BCAR3: variants seen among roughly 807,000 people sequenced by gnomAD.
The protein encoded by BCAR3 is BCAR3 adaptor protein, NSP family member.
Under a neutral mutation model 80.1 loss-of-function variants are expected in BCAR3, and 37 were observed. The ratio of observed to expected loss-of-function variants is 0.46; its 90% CI spans 0.36 to 0.61. The LOEUF (loss-of-function observed/expected upper bound fraction) is 0.61. Ranked by LOEUF, BCAR3 falls within the 20% of genes least tolerant of loss-of-function variation. The pLI, the probability that BCAR3 is intolerant of heterozygous loss-of-function variation, is 0.00. For missense variants in BCAR3, 978 were observed against 1,068.2 expected (o/e 0.92, Z 1.18); for synonymous variants, 389 against 418.9 (o/e 0.93, Z 0.87).
At chr1:93,638,299 G>C (rs1675861389) in intron 3 of BCAR3, among the ~76,000 whole-genome samples, 1 of 152,134 alleles carries the variant, frequency 6.6e-6, no homozygotes, top group South Asian at 2.1e-4. Flanking sequence ...GGGGTGGGGG[G>C]TCTCAGGGGA....
intron 2 of BCAR3, among the ~76,000 whole-genome samples, chr1:93,756,238 T>A (rs551016236): frequency 6.6e-6 from 1 of 152,356 alleles, no homozygotes; most frequent in South Asian, 2.1e-4. Context: ...GTGCCCTTGG[T>A]GGCTTGGGTT....
intron 5 of BCAR3, among the ~76,000 whole-genome samples, chr1:93,587,804 T>G (rs1288875724): frequency 1.3e-5 from 2 of 152,108 alleles, no homozygotes; most frequent in Non-Finnish European, 2.9e-5. Context: ...GGGGCTGGAC[T>G]GGATCTATGT....
chr1:93,704,015 G>A (rs935415016), intron 3 of BCAR3, among the ~76,000 whole-genome samples: 7 of 152,236 alleles, frequency 4.6e-5, no homozygotes, highest in African/African-American at 1.7e-4. Flanking sequence ...CCACATTTCA[G>A]GTGCTGAATA....
At position 93,827,450 on chromosome 1, in the gene BCAR3, G is replaced by A. The variant is rs369468645; in HGVS notation, c.-63+18117C>T. On this transcript the variant is annotated intron_variant, in intron 2 of 13. Coordinates refer to the BCAR3 transcript ENST00000370244. The stretch of plus-strand genomic sequence containing the variant: ...ATAGCAGGGGAGTCTAGCAGACTGT[G>A]ACCCAGCTCCCTCCGAGAGGGCTGT... 2.6e-4 allele frequency among the ~76,000 whole-genome samples: 40 copies of A among 152,250 alleles called. 3 individuals are homozygous for A. Among genetic ancestry groups the A allele is most frequent in the Admixed American group, 1.2e-3 (19 of 15,310 alleles).
chr1:93,574,947 A>T (rs981534416), intron 8 of BCAR3, among the ~76,000 whole-genome samples: 2 of 152,180 alleles, frequency 1.3e-5, no homozygotes, highest in African/African-American at 2.4e-5. Flanking sequence ...TTTCTATGGG[A>T]TGTATCCACG....
intron 2 of BCAR3, among the ~76,000 whole-genome samples, chr1:93,712,089 C>T (rs1650045097): frequency 6.6e-6 from 1 of 152,194 alleles, no homozygotes; most frequent in Non-Finnish European, 1.5e-5. Flanking sequence ...GTTTCTTCTC[C>T]TACAAACTGG....
intron 2 of BCAR3, among the ~76,000 whole-genome samples, chr1:93,779,851 C>A (rs749257926): frequency 1.3e-5 from 2 of 152,172 alleles, no homozygotes; most frequent in Admixed American, 6.5e-5. Flanking sequence ...TTCCCTCCTC[C>A]CCCAATCCCA....
At chr1:93,748,075 G>T (rs1651418878) in intron 2 of BCAR3, among the ~76,000 whole-genome samples, 1 of 152,124 alleles carries the variant, frequency 6.6e-6, no homozygotes, top group Admixed American at 6.5e-5. Flanking sequence ...CAGAGTCCTA[G>T]GTGCCTCCTT....
intron 1 of BCAR3, among the ~76,000 whole-genome samples, chr1:93,675,595 C>G (rs969574514): frequency 2.0e-5 from 3 of 152,090 alleles, no homozygotes; most frequent in Non-Finnish European, 4.4e-5. Context: ...ATGGCCCCCA[C>G]AGAGGGGTCA....
At chr1:93,729,233 G>C (rs920241822) in intron 2 of BCAR3, among the ~76,000 whole-genome samples, 1 of 152,070 alleles carries the variant, frequency 6.6e-6, no homozygotes, top group African/African-American at 2.4e-5. Flanking sequence ...AGTTGAAAAT[G>C]CACCTAACCT....
intron 3 of BCAR3, among the ~76,000 whole-genome samples, chr1:93,698,555 C>G (rs74101673): frequency 0.039 from 5,877 of 152,274 alleles, 134 homozygotes; most frequent in Middle Eastern, 0.071. Flanking sequence ...AAGCCTACCC[C>G]AACCACGAGG....
rs1674243584 is a variant in BCAR3 at position 93,592,289 on chromosome 1, C to T, written c.462G>A (p.Trp154Ter). 6.2e-7 allele frequency: 1 copy of T among 1,613,058 alleles called. No homozygotes were observed. Among genetic ancestry groups the T allele is most frequent in the Non-Finnish European group, 8.5e-7 (1 of 1,180,000 alleles). ...LSSEDLRSHA[W>*]YHGRIPRQVS... ...CCTGTCGGGGGATGCGGCCGTGGTACCAGGCATGGCTGCGCAGGTCCTCGC... is the reference window on the plus strand; with the variant it reads ...CCTGTCGGGGGATGCGGCCGTGGTATCAGGCATGGCTGCGCAGGTCCTCGC... Residue 154 changes from tryptophan (W) to a stop codon, truncating the protein, a stop_gained, in exon 4 of 12, where the codon TGG becomes TGA. Coordinates refer to ENST00000260502, the MANE Select transcript of BCAR3 (RefSeq NM_003567.4). LOFTEE classifies it high-confidence loss of function. The surrounding 1 kb of genome is among the most constrained non-coding windows in gnomAD (Gnocchi z 4.8).
chr1:93,675,864 C>T (rs1648453432), intron 1 of BCAR3, among the ~76,000 whole-genome samples: 2 of 140,438 alleles, frequency 1.4e-5, no homozygotes, highest in African/African-American at 5.4e-5. Context: ...ATGGTTTTGG[C>T]CTAAGACAAA....
intron 3 of BCAR3, among the ~76,000 whole-genome samples, chr1:93,593,676 A>G (rs571279052): frequency 2.0e-5 from 3 of 152,212 alleles, no homozygotes; most frequent in African/African-American, 7.2e-5. Context: ...TGCCCGGCCT[A>G]TTACACTACT....
Position 93,618,662 on chromosome 1 carries a change from A to G in BCAR3, c.357+23642T>C, listed in dbSNP as rs190050045. Among the ~76,000 whole-genome samples, 82 of 152,320 alleles carry G rather than the reference A, an allele frequency of 5.4e-4. 1 individual carries two copies. The highest frequency in any genetic ancestry group is 2.7e-3 in the East Asian group (14 of 5,186). On this transcript the variant is annotated intron_variant, in intron 3 of 11. Coordinates refer to ENST00000260502, the MANE Select transcript of BCAR3 (RefSeq NM_003567.4). ...CAGAAATCTTATATTACACAAGCTC[A>G]ATTTTCTGTTTTTAGCGTTCAGGCA...
chr1:93,716,800 C>T (rs1169143053), intron 2 of BCAR3, among the ~76,000 whole-genome samples: 1 of 152,216 alleles, frequency 6.6e-6, no homozygotes, highest in Non-Finnish European at 1.5e-5. Flanking sequence ...TCCTCATTGG[C>T]TGAGGGCTGA....
rs553952253 is a variant in BCAR3 at position 93,813,833 on chromosome 1, C to A, written c.-63+31734G>T. ...ATTTTGTATTGCTTTTTTCTCAGCC[C>A]AGGATCCAATGAAAGATCAATCATT... On this transcript the variant is annotated intron_variant, in intron 2 of 13. Transcript: ENST00000370244. 5.9e-5 allele frequency among the ~76,000 whole-genome samples: 9 copies of A among 152,268 alleles called. No homozygotes were observed. The South Asian group carries it at 1.9e-3, about 32-fold the overall frequency.
chr1:93,762,362 T>G (rs111724744), intron 2 of BCAR3, among the ~76,000 whole-genome samples: 2 of 152,096 alleles, frequency 1.3e-5, no homozygotes, highest in Admixed American at 6.5e-5. Context: ...ACCATCCACA[T>G]ACAGAAAGAC....
chr1:93,836,593 T>C (rs1034854485), intron 2 of BCAR3, among the ~76,000 whole-genome samples: 12 of 151,856 alleles, frequency 7.9e-5, no homozygotes, highest in African/African-American at 2.7e-4. Context: ...ACCCATTATC[T>C]CTCCATACCA....
Sources: gnomAD v4.1 joint callset for allele counts (sites outside exome capture counted in the v4.1 genomes callset) on GRCh38, gnomAD v4.1.1 for gene constraint, Gnocchi (gnomAD v3.1) non-coding constraint, MANE v1.5 for transcripts, NCBI Gene and HGNC (gene_info 2026-07-23, HGNC 2026-07-21) for gene names.